Variants in SEPTIN9 observed in about 807,000 individuals in gnomAD.
SEPTIN9 encodes septin-9.
In SEPTIN9, 13 loss-of-function variants were observed where a neutral mutation model predicts 56.6. The observed-to-expected ratio is 0.23, with a 90% CI of 0.15 to 0.37. SEPTIN9 has a LOEUF of 0.37. Ranked by LOEUF, SEPTIN9 falls within the 10% of genes least tolerant of loss-of-function variation. The pLI, the probability that SEPTIN9 is intolerant of heterozygous loss-of-function variation, is 1.00. For missense variants in SEPTIN9, 650 were observed against 823.1 expected (o/e 0.79, Z 2.57); for synonymous variants, 332 against 334.1 (o/e 0.99, Z 0.07).
At position 77,429,297 on chromosome 17, in the gene SEPTIN9, C is replaced by T. The variant is rs777667858; in HGVS notation, c.721+26594C>T. ...TTTGATGGTGCCGATGCCGTCAGCA[C>T]GCAGGCCTCCTGCCCTCGCCACGAC... On this transcript the variant is annotated intron_variant, in intron 3 of 11. Transcript: ENST00000427177. This position sits in a 1 kb window ranked among gnomAD's most constrained non-coding sequence, Gnocchi z 5.2. 17 of 470,996 alleles carry T rather than the reference C, an allele frequency of 3.6e-5. No individual in the cohort carries two copies. The highest frequency in any genetic ancestry group is 1.8e-4 in the African/African-American group (9 of 50,092). 29.2% of individuals were successfully genotyped at this position (470,996 alleles called of 1,614,324 possible). A position where few individuals can be genotyped will look rare whatever the true frequency, so the allele number is the denominator to read the frequency against.
rs2039913372 is a variant in SEPTIN9, at chr17:77,488,924, G to C, written c.1262+60G>C. 1.9e-6 allele frequency: 3 copies of C among 1,600,618 alleles called. No individual in the cohort carries two copies. In the South Asian group the frequency reaches 3.3e-5, roughly 18 times the overall value. ...GTGCCCTGGGTTCCCTCTGTCCCCT[G>C]GGACTGCAAGACGGTGCTGTCTGCC... On this transcript the variant is annotated intron_variant, in intron 7 of 11. Coordinates refer to ENST00000427177, the MANE Select transcript of SEPTIN9 (RefSeq NM_001113491.2).
chr17:77,489,007 G>T, intron 7 of SEPTIN9, 143 bp downstream of exon 7: 1 of 1,072,876 alleles, frequency 9.3e-7, no homozygotes, highest in Non-Finnish European at 1.3e-6. Flanking sequence ...TATGAAGTTG[G>T]GGGTGTGCCA....
At chr17:77,375,477 A>G (rs1276567290) in intron 2 of SEPTIN9, 3 of 152,226 alleles carry the variant, frequency 2.0e-5, no homozygotes, top group South Asian at 2.1e-4. Flanking sequence ...CATTTGCACT[A>G]TGAAAGTTGT....
chr17:77,400,135 C>T lies in SEPTIN9; in HGVS notation c.77-1924C>T, dbSNP rs975780381. The stretch of plus-strand genomic sequence containing the variant: ...GGGACTATAGGCGAGTGTCACCATG[C>T]CCAGCTAATTTTTTATTTTTAGTAA... On this transcript the variant is annotated intron_variant, in intron 2 of 11. Coordinates refer to ENST00000427177, the MANE Select transcript of SEPTIN9 (RefSeq NM_001113491.2). This position sits in a 1 kb window ranked among gnomAD's most constrained non-coding sequence, Gnocchi z 4.1. Among the ~76,000 whole-genome samples the T allele has an allele frequency of 6.6e-6, 1 of 152,124 alleles. No individual in the cohort carries two copies. The highest frequency in any genetic ancestry group is 1.5e-5 in the Non-Finnish European group (1 of 68,034).
intron 3 of SEPTIN9, among the ~76,000 whole-genome samples, chr17:77,462,936 C>T (rs544739294): frequency 3.9e-5 from 6 of 152,336 alleles, no homozygotes; most frequent in South Asian, 2.1e-4. Flanking sequence ...GCTGCTGTGC[C>T]TAGCCTAGGC....
chr17:77,288,485 G>A (rs2031377414), intron 1 of SEPTIN9, among the ~76,000 whole-genome samples: 1 of 152,246 alleles, frequency 6.6e-6, no homozygotes, highest in African/African-American at 2.4e-5. Context: ...GAAGGGCTGG[G>A]CAGAGCAGGC....
chr17:77,328,598 T>G (rs531766991), intron 2 of SEPTIN9, among the ~76,000 whole-genome samples: 1,746 of 152,278 alleles, frequency 0.011, 13 homozygotes, highest in Non-Finnish European at 0.019. Context: ...TCTCCTGACC[T>G]CAAGTGATCC....
In SEPTIN9 at chr17:77,371,359, G is replaced by A. The variant is rs1319139853; in HGVS notation, c.77-30700G>A. On this transcript the variant is annotated intron_variant, in intron 2 of 11. Coordinates refer to ENST00000427177, the MANE Select transcript of SEPTIN9 (RefSeq NM_001113491.2). The surrounding 1 kb of genome is among the most constrained non-coding windows in gnomAD (Gnocchi z 4.1). ...GAACTAAATATGTTTGCTGCACTGTGCGTGGAGATGGAGAATGTACAATTG... is the reference window on the plus strand; with the variant it reads ...GAACTAAATATGTTTGCTGCACTGTACGTGGAGATGGAGAATGTACAATTG... Among the ~76,000 whole-genome samples the A allele has an allele frequency of 6.6e-6, 1 of 152,242 alleles. No individual in the cohort carries two copies. Among genetic ancestry groups the A allele is most frequent in the African/African-American group, 2.4e-5 (1 of 41,470 alleles).
chr17:77,338,755 CTCTT>C (rs1366666819), intron 2 of SEPTIN9, among the ~76,000 whole-genome samples: 3 of 152,330 alleles, frequency 2.0e-5, no homozygotes, highest in Admixed American at 6.5e-5. Context: ...CATGGGTTGA[CTCTT>C]TCTTTCATGA....
At chr17:77,489,819 C>T (rs423764) in intron 7 of SEPTIN9, among the ~76,000 whole-genome samples, 82,551 of 152,078 alleles carry the variant, frequency 0.54, 23,623 homozygotes, top group African/African-American at 0.74. Context: ...GGGGGCCAGC[C>T]CGCTGTCCAT....
Position 77,475,437 on chromosome 17 carries a change from A to C in SEPTIN9, c.722-6707A>C. 1 of 1,518,598 alleles carries C rather than the reference A, an allele frequency of 6.6e-7. No homozygotes were observed. Among genetic ancestry groups the C allele is most frequent in the South Asian group, 1.3e-5 (1 of 75,070 alleles). The allele number at this position is 1,518,598 out of a possible 1,614,324, so 94.1% of individuals were successfully genotyped here. A position where few individuals can be genotyped will look rare whatever the true frequency, so the allele number is the denominator to read the frequency against. ...ACACTGTCCTCCTAGCATTGCCTGC[A>C]TCAGGGACTCACTCAGCTTTAAGAA... On this transcript the variant is annotated intron_variant, in intron 3 of 11. Coordinates refer to ENST00000427177, the MANE Select transcript of SEPTIN9 (RefSeq NM_001113491.2). The surrounding 1 kb of genome is among the most constrained non-coding windows in gnomAD (Gnocchi z 4.6).
rs1227096576 is a variant in SEPTIN9 at position 77,402,214 on chromosome 17, G to C, written c.232G>C (p.Val78Leu). The change falls in exon 3 of 12, where the codon GTG becomes CTG. Residue 78 changes from valine (V) to leucine (L), a missense_variant. Around this residue, in one of 2 missense-constraint regions of SEPTIN9, gnomAD observed 317 missense variants for 329.1 expected, o/e 0.96. Transcript: ENST00000427177. The surrounding 1 kb of genome is among the most constrained non-coding windows in gnomAD (Gnocchi z 6.6). ...VKNSEPSARHVDSLSQRSPKA... is the reference protein window; with the variant it reads ...VKNSEPSARHLDSLSQRSPKA... Reference sequence around the variant, plus strand: ...GAACTCAGAACCCTCGGCCCGCCATGTGGACTCCCTAAGCCAACGCTCCCC... The same window carrying C: ...GAACTCAGAACCCTCGGCCCGCCATCTGGACTCCCTAAGCCAACGCTCCCC... The C allele has an allele frequency of 1.2e-6, 2 of 1,613,548 alleles. No homozygotes were observed. The highest frequency in any genetic ancestry group is 1.7e-6 in the Non-Finnish European group (2 of 1,179,886).
At chr17:77,480,304 A>T (rs1167934290) in intron 3 of SEPTIN9, among the ~76,000 whole-genome samples, 2 of 152,190 alleles carry the variant, frequency 1.3e-5, no homozygotes, top group Non-Finnish European at 2.9e-5. Flanking sequence ...TGGCTTCCAG[A>T]GTCTTTTCCT....
intron 3 of SEPTIN9, among the ~76,000 whole-genome samples, chr17:77,452,775 C>T (rs1393569348): frequency 6.6e-6 from 1 of 151,480 alleles, no homozygotes; most frequent in Non-Finnish European, 1.5e-5. Context: ...AATGGGGCCA[C>T]GTGTGTTTCC....
At chr17:77,360,982 G>GGT (rs1258100206) in intron 2 of SEPTIN9, among the ~76,000 whole-genome samples, 1 of 146,896 alleles carries the variant, frequency 6.8e-6, no homozygotes, top group Non-Finnish European at 1.5e-5. Flanking sequence ...GGAGTGCAGT[G>GGT]GTGTGATCCT....
At chr17:77,407,435 C>A (rs1373227675) in intron 3 of SEPTIN9, among the ~76,000 whole-genome samples, 1 of 151,808 alleles carries the variant, frequency 6.6e-6, no homozygotes, top group Admixed American at 6.6e-5. Context: ...ATGTAGTGAC[C>A]CCCATGGGTC....
At chr17:77,416,982 C>G (rs1056147712) in intron 3 of SEPTIN9, among the ~76,000 whole-genome samples, 1 of 152,222 alleles carries the variant, frequency 6.6e-6, no homozygotes, top group African/African-American at 2.4e-5. Flanking sequence ...ATAATAGTCC[C>G]AGCCTTCTCG....
At chr17:77,309,598 G>A (rs2032402829) in intron 2 of SEPTIN9, among the ~76,000 whole-genome samples, 1 of 152,130 alleles carries the variant, frequency 6.6e-6, no homozygotes, top group Middle Eastern at 3.2e-3. Flanking sequence ...AATCTCCTAT[G>A]TCTGGGACTC....
In SEPTIN9 at chr17:77,405,857, G is replaced by A. The variant is rs375384554; in HGVS notation, c.721+3154G>A. On this transcript the variant is annotated intron_variant, in intron 3 of 11. Transcript: ENST00000427177. This position sits in a 1 kb window ranked among gnomAD's most constrained non-coding sequence, Gnocchi z 5.8. Reference sequence around the variant, plus strand: ...GGCCCATCCCCTTCTGCCCCTCCATGTGGGGCTGGGCTGGGAGTTCCCTGA... The same window carrying A: ...GGCCCATCCCCTTCTGCCCCTCCATATGGGGCTGGGCTGGGAGTTCCCTGA... 1.2e-4 allele frequency among the ~76,000 whole-genome samples: 18 copies of A among 152,230 alleles called. No homozygotes were observed. The East Asian group carries it at 1.7e-3, about 15-fold the overall frequency.
Sources: allele counts gnomAD v4.1 joint callset (sites outside exome capture counted in the v4.1 genomes callset), GRCh38; gene constraint gnomAD v4.1.1; regional missense constraint gnomAD v4.1.1; non-coding constraint Gnocchi (gnomAD v3.1); transcripts MANE v1.5; gene names NCBI Gene and HGNC (gene_info 2026-07-23, HGNC 2026-07-21).